Variants in THAP6 observed in about 807,000 individuals in gnomAD.
THAP6 encodes THAP domain-containing protein 6.
Under a neutral mutation model 20.0 loss-of-function variants are expected in THAP6, and 13 were observed. That is an observed-to-expected ratio of 0.65 (90% confidence interval 0.42 to 1.03). The LOEUF is 1.03. Ranked by LOEUF, THAP6 falls within the 50% of genes least tolerant of loss-of-function variation. The probability of loss-of-function intolerance (pLI) is 0.00; values close to 1 mark genes in which losing one functional copy is unlikely to be tolerated. For synonymous variants in THAP6, 93 were observed against 92.2 expected (o/e 1.01, Z -0.05); for missense variants, 262 against 261.6 (o/e 1.00, Z -0.01).
chr4:75,541,749 A>G (rs1727011101), intron 2 of THAP6, among the ~76,000 whole-genome samples: 2 of 152,198 alleles, frequency 1.3e-5, no homozygotes, highest in South Asian at 4.1e-4. Flanking sequence ...TGAGGTCAGG[A>G]GTTCAAGACC....
chr4:75,533,784 T>C (rs1386126043), downstream of THAP6, among the ~76,000 whole-genome samples: 8 of 152,126 alleles, frequency 5.3e-5, no homozygotes. Context: ...TATTATACTT[T>C]AAGTTCTAGG....
chr4:75,530,071 A>G (rs1578276448), downstream of THAP6: 1 of 984,794 alleles, frequency 1.0e-6, no homozygotes, highest in Non-Finnish European at 1.2e-6. Context: ...TAAAATGGGC[A>G]GAGAAAAATG....
downstream of THAP6, among the ~76,000 whole-genome samples, chr4:75,530,410 G>A (rs1436668098): frequency 2.0e-5 from 3 of 152,164 alleles, no homozygotes; most frequent in Non-Finnish European, 2.9e-5. Flanking sequence ...TTAGCATGCC[G>A]CAGATCACTG....
chr4:75,527,415 A>G lies in THAP6; in HGVS notation c.*201A>G, dbSNP rs1726450338. 7.2e-7 allele frequency: 1 copy of G among 1,391,880 alleles called. No homozygotes were observed. The highest frequency in any genetic ancestry group is 9.3e-7 in the Non-Finnish European group (1 of 1,075,252). The allele number at this position is 1,391,880 out of a possible 1,614,324, so 86.2% of individuals were successfully genotyped here. A position where few individuals can be genotyped will look rare whatever the true frequency, so the allele number is the denominator to read the frequency against. On this transcript the variant is annotated 3_prime_UTR_variant, in exon 5 of 5. Transcript: ENST00000311638. ...TAATTATGTATTTGTGTCTTGTGAC[A>G]ATTATGTTTTATAGACCTACACTAG...
chr4:75,530,072 G>A (rs1044241599), downstream of THAP6: 2 of 984,866 alleles, frequency 2.0e-6, no homozygotes, highest in Non-Finnish European at 2.4e-6. Context: ...AAAATGGGCA[G>A]AGAAAAATGA....
chr4:75,533,604 A>G (rs954357088), downstream of THAP6, among the ~76,000 whole-genome samples: 1 of 152,178 alleles, frequency 6.6e-6, no homozygotes, highest in Non-Finnish European at 1.5e-5. Flanking sequence ...GCAATTTACA[A>G]AAGAAAGAAG....
chr4:75,516,690 TCA>T, intron 2 of THAP6, 80 bp from the exon 3 acceptor site: 1 of 1,145,966 alleles, frequency 8.7e-7, no homozygotes, highest in Non-Finnish European at 1.2e-6. Flanking sequence ...ATCAATTTAG[TCA>T]CAGTTGTATA....
downstream of THAP6, among the ~76,000 whole-genome samples, chr4:75,531,790 T>C (rs1304188917): frequency 6.6e-6 from 1 of 151,802 alleles, no homozygotes; most frequent in East Asian, 1.9e-4. Context: ...CTTTTTTTTT[T>C]TTTTCTTTCA....
At chr4:75,546,390 T>C (rs1245823120) in intron 3 of THAP6, among the ~76,000 whole-genome samples, 3 of 152,164 alleles carry the variant, frequency 2.0e-5, no homozygotes, top group African/African-American at 7.2e-5. Context: ...AAATTCTTAG[T>C]CCTCCCACAC....
chr4:75,519,869 G>T (rs1395901641), intron 3 of THAP6, among the ~76,000 whole-genome samples: 1 of 151,686 alleles, frequency 6.6e-6, no homozygotes, highest in Non-Finnish European at 1.5e-5. Context: ...GGGTCAAATG[G>T]TATTTCTAGT....
At chr4:75,521,570 GA>G (rs1726030717) in intron 3 of THAP6, among the ~76,000 whole-genome samples, 165 bp from the exon 4 acceptor site, 1 of 152,018 alleles carries the variant, frequency 6.6e-6, no homozygotes, top group African/African-American at 2.4e-5. Context: ...GTTGATTTCA[GA>G]AAGTTCTTTT....
Position 75,528,558 on chromosome 4 carries a change from T to C in THAP6, c.*1344T>C. 1.0e-6 allele frequency: 1 copy of C among 980,262 alleles called. No homozygotes were observed. The highest frequency in any genetic ancestry group is 1.2e-6 in the Non-Finnish European group (1 of 826,608). The allele number at this position is 980,262 out of a possible 1,614,324, so 60.7% of individuals were successfully genotyped here. A position where few individuals can be genotyped will look rare whatever the true frequency, so the allele number is the denominator to read the frequency against. On this transcript the variant is annotated 3_prime_UTR_variant, in exon 5 of 5. Transcript: ENST00000311638. ...TAATTTTATTTTTGTTACATTAATA[T>C]TAGTTAAGATATGGTCACTTGAATT...
Position 75,521,247 on chromosome 4 carries a change from ACCT to A in THAP6, c.289-484_289-482del, listed in dbSNP as rs1726007957. 3.3e-5 allele frequency among the ~76,000 whole-genome samples: 5 copies of A among 150,508 alleles called. No individual in the cohort carries two copies. In the South Asian group the frequency reaches 1.0e-3, roughly 31 times the overall value. On this transcript the variant is annotated intron_variant, in intron 3 of 4. Transcript: ENST00000311638. The stretch of plus-strand genomic sequence containing the variant: ...TATAAATATTCTTTATATTTTTTCT[ACCT>A]CCTCATGGTTTTCTTTTTTACATAA...
intron 2 of THAP6, among the ~76,000 whole-genome samples, chr4:75,535,162 A>G (rs1726815667): frequency 6.6e-6 from 1 of 152,230 alleles, no homozygotes; most frequent in Non-Finnish European, 1.5e-5. Context: ...ATTCACTATC[A>G]TGAGAACAGC....
chr4:75,527,575 A>G lies in THAP6; in HGVS notation c.*361A>G, dbSNP rs1332816187. On this transcript the variant is annotated 3_prime_UTR_variant, in exon 5 of 5. Coordinates refer to ENST00000311638, the MANE Select transcript of THAP6 (RefSeq NM_144721.6). ...TCCAGATATTTGGCTTCAAAGGAGT[A>G]CCTTTACTTACATGTGCTTTATGGT... 17 of 1,042,348 alleles carry G rather than the reference A, an allele frequency of 1.6e-5. No homozygotes were observed. The highest frequency in any genetic ancestry group is 1.9e-5 in the Non-Finnish European group (16 of 864,522). The allele number at this position is 1,042,348 out of a possible 1,614,324, so 64.6% of individuals were successfully genotyped here.
intron 3 of THAP6, among the ~76,000 whole-genome samples, chr4:75,545,622 A>G (rs1225782248): frequency 3.3e-5 from 5 of 152,162 alleles, no homozygotes; most frequent in African/African-American, 9.7e-5. Flanking sequence ...AACCTGACTC[A>G]GGGGTGCCCA....
intron 3 of THAP6, among the ~76,000 whole-genome samples, chr4:75,518,844 C>G (rs909221540): frequency 6.6e-6 from 1 of 152,212 alleles, no homozygotes; most frequent in African/African-American, 2.4e-5. Context: ...GCATCCCAAT[C>G]TGTTTGTGCT....
chr4:75,521,430 T>G lies in THAP6; in HGVS notation c.289-306T>G, dbSNP rs943413983. 4.6e-5 allele frequency among the ~76,000 whole-genome samples: 7 copies of G among 152,064 alleles called. 1 individual carries two copies. In the South Asian group the frequency reaches 1.4e-3, roughly 31 times the overall value. On this transcript the variant is annotated intron_variant, in intron 3 of 4. Transcript: ENST00000311638. ...GGCATCTATCTACTTGATGATCTAT[T>G]TCTAGGTTTTTCTGTCTAGTCCTAA...
upstream of THAP6, chr4:75,514,137 A>C (rs758532156): frequency 6.4e-7 from 1 of 1,571,082 alleles, no homozygotes; most frequent in African/African-American, 1.3e-5. Context: ...CCACCTGCCC[A>C]GCCCGCCCCA....
Sources: gnomAD v4.1 joint callset for allele counts (sites outside exome capture counted in the v4.1 genomes callset) on GRCh38, gnomAD v4.1.1 for gene constraint, MANE v1.5 for transcripts, NCBI Gene and HGNC (gene_info 2026-07-23, HGNC 2026-07-21) for gene names.